UROS: variants seen among roughly 807,000 people sequenced by gnomAD.
The protein encoded by UROS is uroporphyrinogen III synthase, also known as uroporphyrinogen-III synthase.
UROS carries 18 observed loss-of-function variants against 33.0 expected under a neutral mutation model. The ratio of observed to expected loss-of-function variants is 0.55; its 90% CI spans 0.38 to 0.81. The LOEUF is 0.81. Among genes scored for constraint, UROS ranks in the 30% least tolerant of loss-of-function variants. The probability of loss-of-function intolerance (pLI) is 0.00; values close to 1 mark genes in which losing one functional copy is unlikely to be tolerated. For synonymous variants in UROS, 114 were observed against 121.1 expected (o/e 0.94, Z 0.38); for missense variants, 293 against 314.9 (o/e 0.93, Z 0.53).
chr10:125,811,390 C>T (rs572166960), intron 5 of UROS, among the ~76,000 whole-genome samples: 8 of 152,178 alleles, frequency 5.3e-5, no homozygotes, highest in Admixed American at 2.6e-4. Flanking sequence ...GAGAGATGTG[C>T]GGGAGGGAAG....
intron 5 of UROS, 95 bp downstream of exon 5, chr10:125,812,119 C>T: frequency 7.9e-7 from 1 of 1,266,690 alleles, no homozygotes; most frequent in Non-Finnish European, 1.1e-6. Flanking sequence ...ATTTAATAAG[C>T]AAAAAATAAT....
At chr10:125,809,077 G>T (rs1312338662) in intron 5 of UROS, among the ~76,000 whole-genome samples, 1 of 152,256 alleles carries the variant, frequency 6.6e-6, no homozygotes, top group Non-Finnish European at 1.5e-5. Context: ...CAGTTAAAGG[G>T]ACTATAAGAA....
intron 8 of UROS, among the ~76,000 whole-genome samples, chr10:125,795,401 T>C (rs1044693264): frequency 2.6e-5 from 4 of 152,218 alleles, no homozygotes; most frequent in African/African-American, 4.8e-5. Context: ...CTTTTTGCAT[T>C]TGGTTTGTCC....
rs1368709569 is a variant in UROS, at chr10:125,823,246, C to T, written c.-244G>A. On this transcript the variant is annotated 5_prime_UTR_variant, in exon 1 of 10. Transcript: ENST00000368797. ...GCGTGGGTGGCTGCGCGCAGCTAGG[C>T]GCTCGCGCATGCGCACCGCCATCCA... 7 of 269,464 alleles carry T rather than the reference C, an allele frequency of 2.6e-5. No homozygotes were observed. 16.7% of individuals were successfully genotyped at this position (269,464 alleles called of 1,614,324 possible). A position where few individuals can be genotyped will look rare whatever the true frequency, so the allele number is the denominator to read the frequency against.
At chr10:125,820,281 G>A (rs1331174768) in intron 1 of UROS, among the ~76,000 whole-genome samples, 3 of 152,230 alleles carry the variant, frequency 2.0e-5, no homozygotes, top group Admixed American at 6.5e-5. Context: ...GGCTGGTGTT[G>A]TAGCCTGAAG....
chr10:125,796,373 G>T (rs1159399299), intron 7 of UROS, among the ~76,000 whole-genome samples, 185 bp from the exon 8 acceptor site: 1 of 152,210 alleles, frequency 6.6e-6, no homozygotes, highest in Non-Finnish European at 1.5e-5. Context: ...CCTGCTAAAC[G>T]CTGTGGAGTG....
intron 8 of UROS, 165 bp from the exon 9 acceptor site, chr10:125,795,143 G>A (rs1851250331): frequency 1.4e-6 from 1 of 690,556 alleles, no homozygotes; most frequent in Non-Finnish European, 2.6e-6. Flanking sequence ...CAGTGAGGCA[G>A]GATTCTGGTA....
At chr10:125,800,013 A>G (rs1409382306) in intron 6 of UROS, among the ~76,000 whole-genome samples, 1 of 152,208 alleles carries the variant, frequency 6.6e-6, no homozygotes, top group African/African-American at 2.4e-5. Context: ...CCGTTCGTTT[A>G]ACAGGAAGAA....
chr10:125,806,136 C>G (rs893907851), intron 6 of UROS, among the ~76,000 whole-genome samples: 4 of 152,190 alleles, frequency 2.6e-5, no homozygotes, highest in Admixed American at 1.3e-4. Flanking sequence ...ACAGCAATGA[C>G]TTACGGCAGG....
chr10:125,807,093 C>T (rs1305980658), intron 6 of UROS: 1 of 359,548 alleles, frequency 2.8e-6, no homozygotes, highest in South Asian at 2.6e-5. Flanking sequence ...GGGAGAGTAC[C>T]CACTCACACC....
At chr10:125,794,192 T>C in intron 9 of UROS, 1 of 254,384 alleles carries the variant, frequency 3.9e-6, no homozygotes, top group Non-Finnish European at 6.2e-6. Context: ...ACAGGCCATA[T>C]GATGTCTCTG....
Position 125,796,101 on chromosome 10 carries a change from A to G in UROS, c.561+2T>C. ...CCAGAACCGCCCCCAAACGCCACGT[A>G]CCTGCTGGGAATAGTAGCTGTTCAG... On this transcript the variant is annotated splice_donor_variant, in intron 8 of 9. Coordinates refer to ENST00000368797, the MANE Select transcript of UROS (RefSeq NM_000375.3). LOFTEE classifies it high-confidence loss of function. 1 of 1,614,084 alleles carries G rather than the reference A, an allele frequency of 6.2e-7. No homozygotes were observed. The highest frequency in any genetic ancestry group is 8.5e-7 in the Non-Finnish European group (1 of 1,180,030).
At chr10:125,790,536 T>C (rs1168184844) in intron 9 of UROS, among the ~76,000 whole-genome samples, 1 of 152,040 alleles carries the variant, frequency 6.6e-6, no homozygotes, top group Non-Finnish European at 1.5e-5. Context: ...AGGCCAGGCA[T>C]GGTAGCTCAT....
chr10:125,811,791 A>G (rs1852835557), intron 5 of UROS, among the ~76,000 whole-genome samples: 2 of 131,268 alleles, frequency 1.5e-5, no homozygotes, highest in South Asian at 4.9e-4. Context: ...AAATGCACAA[A>G]ATATTAAGAA....
intron 9 of UROS, chr10:125,793,426 C>G (rs1000871714): frequency 6.6e-6 from 1 of 152,530 alleles, no homozygotes; most frequent in African/African-American, 2.4e-5. Context: ...AGAACCAGAG[C>G]AGGACCAGCA....
At position 125,796,198 on chromosome 10, in the gene UROS, A is replaced by G. The variant is rs372774517; in HGVS notation, c.476-10T>C. On this transcript the variant is annotated splice_polypyrimidine_tract_variant and intron_variant, in intron 7 of 9. Coordinates refer to ENST00000368797, the MANE Select transcript of UROS (RefSeq NM_000375.3). ...CTTTCCATGGCAATCCCTGGGCACAATCAAAAGCAGGAAAGACTTTACCGC... is the reference window on the plus strand; with the variant it reads ...CTTTCCATGGCAATCCCTGGGCACAGTCAAAAGCAGGAAAGACTTTACCGC... 6.2e-7 allele frequency: 1 copy of G among 1,614,004 alleles called. No homozygotes were observed. The highest frequency in any genetic ancestry group is 8.5e-7 in the Non-Finnish European group (1 of 1,179,966).
intron 4 of UROS, among the ~76,000 whole-genome samples, chr10:125,813,649 C>T (rs755165864): frequency 1.3e-5 from 2 of 152,110 alleles, no homozygotes; most frequent in African/African-American, 2.4e-5. Flanking sequence ...AGCTAACTTT[C>T]GTATTTTTTG....
chr10:125,800,049 CTGATGATGAGT>C lies in UROS; in HGVS notation c.395-1915_395-1905del, dbSNP rs1482516373. Among the ~76,000 whole-genome samples, 3 of 152,274 alleles carry C rather than the reference CTGATGATGAGT, an allele frequency of 2.0e-5. No individual in the cohort carries two copies. In the East Asian group the frequency reaches 5.8e-4, roughly 29 times the overall value. ...GGCCTGGAATTCTGGGCTGTCCGGG[CTGATGATGAGT>C]AATAACACTGAAAATCCTAACACAG... On this transcript the variant is annotated intron_variant, in intron 6 of 9. Transcript: ENST00000368797.
At chr10:125,811,496 A>C (rs539535286) in intron 5 of UROS, among the ~76,000 whole-genome samples, 1 of 152,342 alleles carries the variant, frequency 6.6e-6, no homozygotes, top group South Asian at 2.1e-4. Flanking sequence ...TCTAGGAATC[A>C]TCTTTTAATT....
Sources: allele counts gnomAD v4.1 joint callset (sites outside exome capture counted in the v4.1 genomes callset), GRCh38; gene constraint gnomAD v4.1.1; transcripts MANE v1.5; gene names NCBI Gene and HGNC (gene_info 2026-07-23, HGNC 2026-07-21).